Variants in SLC22A23 observed in about 807,000 individuals in gnomAD.
SLC22A23 encodes ion transporter protein.
A neutral mutation model predicts 61.0 loss-of-function variants in SLC22A23; 26 were observed. That is an observed-to-expected ratio of 0.43 (90% CI 0.31 to 0.59). SLC22A23 has a LOEUF of 0.59. SLC22A23 is among the 20% of genes least tolerant of loss of function. SLC22A23 has a pLI of 0.11. For synonymous variants in SLC22A23, 430 were observed against 413.9 expected (o/e 1.04, Z -0.47); for missense variants, 796 against 934.7 (o/e 0.85, Z 1.94).
At chr6:3,284,286 AG>A (rs1204854123) in intron 8 of SLC22A23, among the ~76,000 whole-genome samples, 3 of 152,178 alleles carry the variant, frequency 2.0e-5, no homozygotes, top group Non-Finnish European at 2.9e-5. Context: ...CTGGTGCCAC[AG>A]CGACATCCCT....
Position 3,322,883 on chromosome 6 carries a change from A to G in SLC22A23, c.1082+951T>C, listed in dbSNP as rs142665188. Reference sequence around the variant, plus strand: ...ATAGTAGCAATACAGGGCCACATCCATGATCTACTTATGGGTAAGGTGAGA... The same window carrying G: ...ATAGTAGCAATACAGGGCCACATCCGTGATCTACTTATGGGTAAGGTGAGA... On this transcript the variant is annotated intron_variant, in intron 4 of 9. Transcript: ENST00000406686. The surrounding 1 kb of genome is among the most constrained non-coding windows in gnomAD (Gnocchi z 4.1). Among the ~76,000 whole-genome samples, 330 of 152,320 alleles carry G rather than the reference A, an allele frequency of 2.2e-3. No homozygotes were observed. Among genetic ancestry groups the G allele is most frequent in the African/African-American group, 7.4e-3 (309 of 41,576 alleles).
At chr6:3,341,008 C>T (rs562691115) in intron 3 of SLC22A23, among the ~76,000 whole-genome samples, 2 of 152,358 alleles carry the variant, frequency 1.3e-5, no homozygotes, top group African/African-American at 4.8e-5. Context: ...ACCTTCCCCT[C>T]CCTTCACAGG....
In SLC22A23 at chr6:3,333,320, A is replaced by G. The variant is rs1333671861; in HGVS notation, c.914-9318T>C. Among the ~76,000 whole-genome samples, 1 of 152,132 alleles carries G rather than the reference A, an allele frequency of 6.6e-6. No individual in the cohort carries two copies. Among genetic ancestry groups the G allele is most frequent in the Non-Finnish European group, 1.5e-5 (1 of 68,016 alleles). On this transcript the variant is annotated intron_variant, in intron 3 of 9. Transcript: ENST00000406686. This position sits in a 1 kb window ranked among gnomAD's most constrained non-coding sequence, Gnocchi z 4.1. ...GAAGAGGCAGCATCATAAAATCACAATCACTCTGGGTGATAGCTAATTTCA... is the reference window on the plus strand; with the variant it reads ...GAAGAGGCAGCATCATAAAATCACAGTCACTCTGGGTGATAGCTAATTTCA...
At chr6:3,310,285 C>T in intron 4 of SLC22A23, among the ~76,000 whole-genome samples, 1 of 145,282 alleles carries the variant, frequency 6.9e-6, no homozygotes, top group Non-Finnish European at 1.5e-5. Context: ...CACCCTGTCT[C>T]CCAGGGAGCA....
In SLC22A23 at chr6:3,381,071, C is replaced by T. The variant is rs544133148; in HGVS notation, c.913+29117G>A. On this transcript the variant is annotated intron_variant, in intron 3 of 9. Transcript: ENST00000406686. ...GATGCCTCGTATGTGAAGGCACTGA[C>T]ACCACGTCCTGGGTGCTTTGTGTCC... Among the ~76,000 whole-genome samples the T allele has an allele frequency of 3.9e-5, 6 of 152,326 alleles. No individual in the cohort carries two copies. The South Asian group carries it at 1.2e-3, about 32-fold the overall frequency.
chr6:3,453,793 TGA>T (rs1772263996), intron 1 of SLC22A23, among the ~76,000 whole-genome samples: 1 of 152,214 alleles, frequency 6.6e-6, no homozygotes, highest in Admixed American at 6.5e-5. Flanking sequence ...TTTTATCCAC[TGA>T]AAGAAGGCAA....
chr6:3,434,715 G>A (rs1771092972), intron 1 of SLC22A23, among the ~76,000 whole-genome samples: 1 of 152,182 alleles, frequency 6.6e-6, no homozygotes, highest in African/African-American at 2.4e-5. Flanking sequence ...AACAGCACAA[G>A]GTCAGGCAGC....
rs1758413445 is a variant in SLC22A23 at position 3,270,546 on chromosome 6, G to A, written c.*2509C>T. On this transcript the variant is annotated 3_prime_UTR_variant, in exon 10 of 10. Transcript: ENST00000406686. ...GGCTGCCCTGGGAGGAGAGCTGTGG[G>A]ACCGCCTCGCCGGCTGAGAGCCATT... is the stretch of plus-strand genomic sequence containing the variant. 1 of 152,358 alleles carries A rather than the reference G, an allele frequency of 6.6e-6. No individual in the cohort carries two copies. The highest frequency in any genetic ancestry group is 1.5e-5 in the Non-Finnish European group (1 of 68,068). The allele number at this position is 152,358 out of a possible 1,614,324, so 9.4% of individuals were successfully genotyped here.
Position 3,269,031 on chromosome 6 carries a change from GAA to G in SLC22A23, c.*4022_*4023del, listed in dbSNP as rs1183916032. 6.6e-6 allele frequency: 1 copy of G among 152,286 alleles called. No homozygotes were observed. The highest frequency in any genetic ancestry group is 2.4e-5 in the African/African-American group (1 of 41,412). The allele number at this position is 152,286 out of a possible 1,614,324, so 9.4% of individuals were successfully genotyped here. ...CATTTTCGTTAAAAAATACATTAGA[GAA>G]GAGAGTTTTGGGTTACCAGTCTTTC... On this transcript the variant is annotated 3_prime_UTR_variant, in exon 10 of 10. Transcript: ENST00000406686.
chr6:3,291,891 A>G (rs1429587280), intron 5 of SLC22A23: 2 of 152,232 alleles, frequency 1.3e-5, no homozygotes, highest in Non-Finnish European at 2.9e-5. Flanking sequence ...AACTCCTGAT[A>G]TGTTATTGTT....
chr6:3,367,299 T>C (rs1010064129), intron 3 of SLC22A23, among the ~76,000 whole-genome samples: 4 of 152,150 alleles, frequency 2.6e-5, no homozygotes, highest in African/African-American at 9.7e-5. Flanking sequence ...TCTGGTTCAG[T>C]TAGTTGGGTA....
intron 9 of SLC22A23, among the ~76,000 whole-genome samples, chr6:3,280,776 G>A (rs186908773): frequency 1.3e-5 from 2 of 152,266 alleles, no homozygotes; most frequent in East Asian, 1.9e-4. Flanking sequence ...GATTACAGGC[G>A]TGAGCCACCG....
intron 1 of SLC22A23, chr6:3,438,493 C>T (rs769914344): frequency 1.1e-5 from 5 of 456,678 alleles, no homozygotes; most frequent in East Asian, 6.9e-5. Flanking sequence ...CGTTCAGCTC[C>T]GGCCTCCAGC....
chr6:3,399,767 C>A (rs1316707851), intron 3 of SLC22A23, among the ~76,000 whole-genome samples: 1 of 152,164 alleles, frequency 6.6e-6, no homozygotes, highest in Non-Finnish European at 1.5e-5. Context: ...GATGGATACT[C>A]AGGGAGTCGA....
rs1202594921 is a variant in SLC22A23 at position 3,456,366 on chromosome 6, C to T, written c.194G>A (p.Ser65Asn). The T allele has an allele frequency of 2.6e-6, 4 of 1,544,488 alleles. No homozygotes were observed. The highest frequency in any genetic ancestry group is 4.9e-5 in the East Asian group (2 of 40,738). Residue 65 changes from serine (S) to asparagine (N), a missense_variant, in exon 1 of 10, where the codon AGC (serine) becomes AAC (asparagine). By Grantham distance (46) the Ser-to-Asn change is conservative. Transcript: ENST00000406686. This position sits in a 1 kb window ranked among gnomAD's most constrained non-coding sequence, Gnocchi z 7.1. ...CGGGGCCGCAGCCGCGGAGCAGCAG[C>T]TCGGGTGCGGGCCGCCTCCAGGATG... The part of the protein sequence containing the change: ...PLHPGGGPHP[S>N]CCSAAAAPSL...
intron 3 of SLC22A23, among the ~76,000 whole-genome samples, chr6:3,338,090 T>C (rs1270838024): frequency 6.6e-6 from 1 of 152,184 alleles, no homozygotes; most frequent in Non-Finnish European, 1.5e-5. Flanking sequence ...AGCCCCGTCT[T>C]CCATCAGTTT....
intron 3 of SLC22A23, among the ~76,000 whole-genome samples, chr6:3,345,046 C>T (rs192565304): frequency 6.6e-6 from 1 of 152,334 alleles, no homozygotes; most frequent in African/African-American, 2.4e-5. Context: ...AGACCCACGG[C>T]TAAGACTGTA....
rs1212011529 is a variant in SLC22A23 at position 3,456,889 on chromosome 6, G to T, written c.-330C>A. On this transcript the variant is annotated 5_prime_UTR_variant, in exon 1 of 10. Transcript: ENST00000406686. The surrounding 1 kb of genome is among the most constrained non-coding windows in gnomAD (Gnocchi z 7.1). ...CTCTCCGCTGCTCCGCGCCGGACGC[G>T]GCAGGAGGAGGAGCCGGCGCCGCGC... 3 of 148,112 alleles carry T rather than the reference G, an allele frequency of 2.0e-5. No homozygotes were observed. The highest frequency in any genetic ancestry group is 4.0e-4 in the East Asian group (2 of 5,050). 9.2% of individuals were successfully genotyped at this position (148,112 alleles called of 1,614,324 possible).
chr6:3,280,021 T>C (rs1049108748), intron 9 of SLC22A23, among the ~76,000 whole-genome samples: 1 of 152,248 alleles, frequency 6.6e-6, no homozygotes, highest in African/African-American at 2.4e-5. Flanking sequence ...GCGAGGCTCC[T>C]GTTCTAGCTC....
Sources: gnomAD v4.1 joint callset for allele counts (sites outside exome capture counted in the v4.1 genomes callset) on GRCh38, gnomAD v4.1.1 for gene constraint, Gnocchi (gnomAD v3.1) non-coding constraint, MANE v1.5 for transcripts, NCBI Gene and HGNC (gene_info 2026-07-23, HGNC 2026-07-21) for gene names.